The following ELP4 variants were observed in gnomAD, a reference collection of about 807,000 sequenced individuals.
ELP4 encodes the protein elongator complex protein 4.
In ELP4, 51 loss-of-function variants were observed where a neutral mutation model predicts 48.9. That is an observed-to-expected ratio of 1.04 (90% CI 0.83 to 1.32). The LOEUF (loss-of-function observed/expected upper bound fraction) is 1.32. Among genes scored for constraint, ELP4 ranks in the 40% most tolerant of loss-of-function variants. The pLI, the probability that ELP4 is intolerant of heterozygous loss-of-function variation, is 0.00. For synonymous variants in ELP4, 210 were observed against 189.2 expected, an observed-to-expected ratio of 1.11 and a Z score of -0.90; for missense variants, 519 against 514.6, an observed-to-expected ratio of 1.01 and a Z score of -0.08.
intron 9 of ELP4, among the ~76,000 whole-genome samples, chr11:31,716,009 G>A (rs1410445876): frequency 2.0e-5 from 3 of 152,006 alleles, no homozygotes; most frequent in Admixed American, 2.0e-4. Flanking sequence ...AGTACAAGGA[G>A]GTTTGTTTGT....
At chr11:31,777,364 T>C (rs1460716651) in intron 9 of ELP4, among the ~76,000 whole-genome samples, 2 of 152,154 alleles carry the variant, frequency 1.3e-5, no homozygotes, top group African/African-American at 2.4e-5. Context: ...TATGAACACA[T>C]TGCTTTTATT....
intron 3 of ELP4, among the ~76,000 whole-genome samples, chr11:31,546,397 T>C (rs1956717004): frequency 1.3e-5 from 2 of 152,090 alleles, no homozygotes; most frequent in African/African-American, 2.4e-5. Flanking sequence ...AAGGCCATTA[T>C]ATAATGGTAA....
intron 3 of ELP4, among the ~76,000 whole-genome samples, chr11:31,571,129 A>G (rs1315217085): frequency 1.1e-4 from 17 of 152,154 alleles, no homozygotes; most frequent in Admixed American, 1.1e-3. Context: ...AAACCTGCAC[A>G]TGTACCCTCA....
intron 7 of ELP4, among the ~76,000 whole-genome samples, chr11:31,638,624 T>C (rs1443516186): frequency 6.6e-6 from 1 of 151,918 alleles, no homozygotes; most frequent in Non-Finnish European, 1.5e-5. Context: ...GTTATTTTAA[T>C]TGATGTGTTT....
chr11:31,528,233 C>T (rs565966597), intron 2 of ELP4, among the ~76,000 whole-genome samples: 2 of 152,106 alleles, frequency 1.3e-5, no homozygotes, highest in African/African-American at 4.8e-5. Flanking sequence ...ACTCTATAAC[C>T]ATGGGAGCCA....
chr11:31,622,961 A>G (rs1944653532), intron 5 of ELP4, among the ~76,000 whole-genome samples: 1 of 151,586 alleles, frequency 6.6e-6, no homozygotes. Flanking sequence ...AAGTTCTAGT[A>G]ATTGTCTTTA....
intron 9 of ELP4, among the ~76,000 whole-genome samples, chr11:31,690,736 T>C (rs1467947187): frequency 6.6e-6 from 1 of 151,494 alleles, no homozygotes; most frequent in Non-Finnish European, 1.5e-5. Context: ...TAACTAGTCA[T>C]TACTAGTAAT....
intron 2 of ELP4, among the ~76,000 whole-genome samples, chr11:31,533,462 C>G (rs1349952964): frequency 2.0e-5 from 3 of 149,094 alleles, no homozygotes; most frequent in Admixed American, 6.8e-5. Flanking sequence ...ACTGCAAGCT[C>G]CGCCTCCCGA....
At chr11:31,710,884 C>G (rs1946728440) in intron 9 of ELP4, among the ~76,000 whole-genome samples, 1 of 152,090 alleles carries the variant, frequency 6.6e-6, no homozygotes, top group Admixed American at 6.6e-5. Flanking sequence ...GAGACTAGAA[C>G]CCGTGACTTT....
At chr11:31,665,353 G>A (rs1255072714) in intron 9 of ELP4, among the ~76,000 whole-genome samples, 1 of 151,314 alleles carries the variant, frequency 6.6e-6, no homozygotes, top group African/African-American at 2.4e-5. Context: ...TCTCCCTCTC[G>A]CTCTCTCTCT....
At chr11:31,690,786 GT>G (rs1239518822) in intron 9 of ELP4, among the ~76,000 whole-genome samples, 20 of 128,674 alleles carry the variant, frequency 1.6e-4, no homozygotes, top group African/African-American at 4.9e-4. Flanking sequence ...TTTCATGTGG[GT>G]TTTTTTTCCT....
At chr11:31,722,490 A>G (rs544654602) in intron 9 of ELP4, among the ~76,000 whole-genome samples, 5 of 152,348 alleles carry the variant, frequency 3.3e-5, no homozygotes, top group African/African-American at 1.2e-4. Context: ...GAAAATGCCT[A>G]GTAAAAGTTG....
chr11:31,766,598 G>T (rs1326857514), intron 9 of ELP4, among the ~76,000 whole-genome samples: 2 of 151,878 alleles, frequency 1.3e-5, no homozygotes, highest in Non-Finnish European at 2.9e-5. Context: ...TAGTTACAGA[G>T]AAATAAATTG....
At chr11:31,754,827 A>G (rs55895326) in intron 9 of ELP4, among the ~76,000 whole-genome samples, 2,982 of 152,252 alleles carry the variant, frequency 0.02, 93 homozygotes, top group African/African-American at 0.068. Context: ...AGCCAAGATC[A>G]CGCCATTATA....
At chr11:31,642,367 T>C (rs1454869377) in intron 7 of ELP4, among the ~76,000 whole-genome samples, 2 of 151,890 alleles carry the variant, frequency 1.3e-5, no homozygotes, top group Non-Finnish European at 2.9e-5. Flanking sequence ...ACCAATATTT[T>C]CATATCAAAA....
intron 9 of ELP4, among the ~76,000 whole-genome samples, chr11:31,676,862 G>A (rs1420002948): frequency 6.6e-6 from 1 of 152,092 alleles, no homozygotes; most frequent in Non-Finnish European, 1.5e-5. Flanking sequence ...TTTGGGTTAT[G>A]GCCAAGTTTA....
chr11:31,632,689 A>G (rs897170752), intron 7 of ELP4: 26 of 262,508 alleles, frequency 9.9e-5, no homozygotes, highest in African/African-American at 2.9e-4. Flanking sequence ...TTGAAGAGCT[A>G]AAGTTTTCAA....
intron 9 of ELP4, among the ~76,000 whole-genome samples, chr11:31,668,734 G>T (rs1945739746): frequency 6.7e-6 from 1 of 149,172 alleles, no homozygotes; most frequent in South Asian, 2.1e-4. Flanking sequence ...GAACCCTGTA[G>T]AGAGAAAAAT....
intron 2 of ELP4, among the ~76,000 whole-genome samples, chr11:31,533,251 G>A (rs1956430069): frequency 6.6e-6 from 1 of 151,364 alleles, no homozygotes. Flanking sequence ...GTATGTCCAT[G>A]TAGCTGTTGT....
Sources: gnomAD v4.1 joint callset for allele counts (sites outside exome capture counted in the v4.1 genomes callset) on GRCh38, gnomAD v4.1.1 for gene constraint, MANE v1.5 for transcripts, NCBI Gene and HGNC (gene_info 2026-07-23, HGNC 2026-07-21) for gene names.